Variants in USHBP1 observed in about 807,000 individuals in gnomAD.
USHBP1 encodes harmonin-binding protein USHBP1.
USHBP1 carries 67 observed loss-of-function variants against 76.2 expected under a neutral mutation model. The ratio of observed to expected loss-of-function variants is 0.88; its 90% confidence interval spans 0.72 to 1.08. The LOEUF (loss-of-function observed/expected upper bound fraction) is 1.08. Among genes scored for constraint, USHBP1 ranks in the 50% least tolerant of loss-of-function variants. The pLI is 0.00. For missense variants in USHBP1, 931 were observed against 915.0 expected, an observed-to-expected ratio of 1.02 and a Z score of -0.23; for synonymous variants, 322 against 362.2, an observed-to-expected ratio of 0.89 and a Z score of 1.26.
At position 17,264,169 on chromosome 19, in the gene USHBP1, G is replaced by T. The variant is rs750282255; in HGVS notation, c.55-19C>A. The T allele has an allele frequency of 1.2e-5, 19 of 1,612,318 alleles. 1 individual carries two copies. In the South Asian group the frequency reaches 1.2e-4, roughly 10 times the overall value. On this transcript the variant is annotated intron_variant, in intron 2 of 12. Coordinates refer to ENST00000252597, the MANE Select transcript of USHBP1 (RefSeq NM_031941.4). The stretch of plus-strand genomic sequence containing the variant: ...GTTCACCCTGCAAATGACCCCCGGG[G>T]CCCTGCTCTGAGCCAGGCAGGACAG...
In USHBP1 at chr19:17,262,818, G is replaced by A. The variant is rs371881438; in HGVS notation, c.376C>T (p.Leu126=). The A allele has an allele frequency of 1.5e-5, 25 of 1,614,230 alleles. No homozygotes were observed. The African/African-American group carries it at 3.2e-4, about 21-fold the overall frequency. ...PDVFQTLQHT[L]SSLEAAAAAW... is the part of the protein sequence containing the mutation. Reference sequence around the variant, plus strand: ...GCAGCCGCTGCCTCCAGGGAGCTCAGAGTGTGCTGGAGGGTCTGAAACACA... The same window carrying A: ...GCAGCCGCTGCCTCCAGGGAGCTCAAAGTGTGCTGGAGGGTCTGAAACACA... The change falls in exon 4 of 13, where the codon CTG becomes TTG. Residue 126 remains leucine, a synonymous_variant. Transcript: ENST00000252597.
In USHBP1 at chr19:17,255,460, C is replaced by T. The variant is rs1426157902; in HGVS notation, c.1617G>A (p.Gln539=). The T allele has an allele frequency of 6.2e-7, 1 of 1,614,124 alleles. No homozygotes were observed. Among genetic ancestry groups the T allele is most frequent in the East Asian group, 2.2e-5 (1 of 44,870 alleles). Residue 539 remains glutamine (Q), a synonymous_variant, in exon 10 of 13, where the codon CAG becomes CAA. Transcript: ENST00000252597. ...CGCCACTGCTGTTTGCCCCACCAGC[C>T]TGGAGCTCTGCCCGTTCCCACCGCA... The part of the protein sequence containing the change: ...EQLRWERAEL[Q]AGGANSSGGH...
Position 17,256,532 on chromosome 19 carries a change from G to T in USHBP1, c.1409C>A (p.Ala470Asp), listed in dbSNP as rs1568324553. 6.2e-7 allele frequency: 1 copy of T among 1,614,076 alleles called. No individual in the cohort carries two copies. The highest frequency in any genetic ancestry group is 1.7e-5 in the Admixed American group (1 of 60,016). ...CTCCAGTCGGGGAAGAGCTGGGCCA[G>T]CCTGGGTCCCCAGAATGGCCTGCAC... ...AMVQAILGTQ[A>D]GPALPRLEKT... The change falls in exon 9 of 13, where the codon GCT (alanine) becomes GAT (aspartate). Residue 470 changes from alanine to aspartate, a missense_variant. Coordinates refer to ENST00000252597, the MANE Select transcript of USHBP1 (RefSeq NM_031941.4).
At position 17,255,648 on chromosome 19, in the gene USHBP1, G is replaced by T. The variant is rs762300245; in HGVS notation, c.1471-42C>A. ...AGGGGAGAGAATTTATGCTTCTACG[G>T]TCAACTGCAGGGAAACTGAGGCCCC... On this transcript the variant is annotated intron_variant, in intron 9 of 12. Transcript: ENST00000252597. 2.0e-6 allele frequency: 3 copies of T among 1,537,870 alleles called. 1 individual carries two copies. The East Asian group carries it at 7.1e-5, about 37-fold the overall frequency.
chr19:17,253,838 G>A (rs1047353140), intron 10 of USHBP1, among the ~76,000 whole-genome samples: 14 of 148,476 alleles, frequency 9.4e-5, no homozygotes, highest in African/African-American at 2.2e-4. Flanking sequence ...AGATTGCAGT[G>A]AGCCAAGATC....
intron 9 of USHBP1, 74 bp from the exon 10 acceptor site, chr19:17,255,680 C>T: frequency 6.9e-7 from 1 of 1,450,938 alleles, no homozygotes; most frequent in Non-Finnish European, 9.3e-7. Context: ...CCCCAAGAGG[C>T]ACCCACTGAG....
chr19:17,260,054 G>T, intron 4 of USHBP1, 32 bp from the exon 5 acceptor site: 2 of 1,594,998 alleles, frequency 1.3e-6, no homozygotes, highest in South Asian at 2.2e-5. Context: ...TCAGGCCTAG[G>T]GGCTCAAACC....
chr19:17,258,938 A>T (rs12460292), intron 7 of USHBP1, among the ~76,000 whole-genome samples: 1 of 151,240 alleles, frequency 6.6e-6, no homozygotes, highest in South Asian at 2.1e-4. Context: ...GAGGCCCAGT[A>T]GGGGGGATCA....
intron 3 of USHBP1, 100 bp from the exon 4 acceptor site, chr19:17,263,090 T>A (rs769412524): frequency 2.6e-5 from 34 of 1,297,194 alleles, no homozygotes; most frequent in Non-Finnish European, 3.3e-5. Flanking sequence ...CAGCCTGGAG[T>A]GCAGTGGCGC....
chr19:17,254,549 A>G (rs1249267064), intron 10 of USHBP1, among the ~76,000 whole-genome samples: 1 of 148,110 alleles, frequency 6.8e-6, no homozygotes, highest in African/African-American at 2.5e-5. Flanking sequence ...CCAGCTACTC[A>G]GGAGGCTGAG....
intron 10 of USHBP1, among the ~76,000 whole-genome samples, chr19:17,253,894 C>CA (rs755318665): frequency 0.036 from 3,091 of 86,994 alleles, 43 homozygotes; most frequent in South Asian, 0.061. Flanking sequence ...ATCCGTTTCC[C>CA]AAAAAAAAAA....
In USHBP1 at chr19:17,258,344, C is replaced by A; in HGVS notation, c.1088G>T (p.Arg363Leu). The stretch of plus-strand genomic sequence containing the variant: ...GTCTCCTGCTCCTGAGTCGGCCTCC[C>A]GCAGAGCAAGCAGAACCCTGTATGC... The part of the protein sequence containing the change: ...EEAYRVLLAL[R>L]EADSGAGDEA... Residue 363 changes from arginine (R) to leucine (L), a missense_variant, in exon 8 of 13, where the codon CGG (arginine) becomes CTG (leucine). Arg to Leu is a moderately radical substitution (Grantham distance 102, BLOSUM62 -2). Coordinates refer to ENST00000252597, the MANE Select transcript of USHBP1 (RefSeq NM_031941.4). 1.2e-6 allele frequency: 2 copies of A among 1,613,956 alleles called. No individual in the cohort carries two copies. The highest frequency in any genetic ancestry group is 1.7e-6 in the Non-Finnish European group (2 of 1,180,024).
intron 9 of USHBP1, 55 bp from the exon 10 acceptor site, chr19:17,255,661 A>C: frequency 6.6e-7 from 1 of 1,513,648 alleles, no homozygotes; most frequent in South Asian, 1.3e-5. Flanking sequence ...AACTGCAGGG[A>C]AACTGAGGCC....
At position 17,250,426 on chromosome 19, in the gene USHBP1, GGGTGGCTGGGTCA is replaced by G; in HGVS notation, c.1923-25_1923-13del. On this transcript the variant is annotated splice_polypyrimidine_tract_variant and intron_variant, in intron 12 of 12. Transcript: ENST00000252597. ...CCAGGACCAGGGCGCTGGAAGGGGTGGGTGGCTGGGTCAGGAAACAGCCCCCGAGTCCACCCAA... is the reference window on the plus strand; with the variant it reads ...CCAGGACCAGGGCGCTGGAAGGGGTGGGAAACAGCCCCCGAGTCCACCCAA... 1.9e-6 allele frequency: 3 copies of G among 1,608,322 alleles called. No homozygotes were observed. The highest frequency in any genetic ancestry group is 8.5e-7 in the Non-Finnish European group (1 of 1,179,142).
chr19:17,260,755 C>G (rs1032662300), intron 4 of USHBP1, among the ~76,000 whole-genome samples: 2 of 152,178 alleles, frequency 1.3e-5, no homozygotes, highest in African/African-American at 4.8e-5. Context: ...ACGTGGATGT[C>G]TCATGGACAC....
Position 17,250,008 on chromosome 19 carries a change from G to A in USHBP1, c.*217C>T, listed in dbSNP as rs1363748567. 1.7e-6 allele frequency: 1 copy of A among 584,528 alleles called. No individual in the cohort carries two copies. Among genetic ancestry groups the A allele is most frequent in the South Asian group, 2.0e-5 (1 of 48,870 alleles). 36.2% of individuals were successfully genotyped at this position (584,528 alleles called of 1,614,324 possible). A position where few individuals can be genotyped will look rare whatever the true frequency, so the allele number is the denominator to read the frequency against. On this transcript the variant is annotated 3_prime_UTR_variant, in exon 13 of 13. Coordinates refer to ENST00000252597, the MANE Select transcript of USHBP1 (RefSeq NM_031941.4). Reference sequence around the variant, plus strand: ...TCTGGCCTGACCCCACTGATATGAAGTTCACATTCCACTTGGTGCCAGGCC... The same window carrying A: ...TCTGGCCTGACCCCACTGATATGAAATTCACATTCCACTTGGTGCCAGGCC...
chr19:17,260,076 C>T, intron 4 of USHBP1, 54 bp from the exon 5 acceptor site: 2 of 1,574,126 alleles, frequency 1.3e-6, no homozygotes, highest in Non-Finnish European at 1.7e-6. Flanking sequence ...ACCACCAGCC[C>T]TCTCTCCCCA....
In USHBP1 at chr19:17,260,052, A is replaced by G. The variant is rs746296965; in HGVS notation, c.643-30T>C. On this transcript the variant is annotated intron_variant, in intron 4 of 12. Transcript: ENST00000252597. ...GAAAGATGAGGGGGACGTCAGGCCT[A>G]GGGGCTCAAACCAACCACCAGCCCT... 6.2e-6 allele frequency: 10 copies of G among 1,600,632 alleles called. No homozygotes were observed. In the East Asian group the frequency reaches 2.2e-4, roughly 36 times the overall value.
intron 10 of USHBP1, 84 bp downstream of exon 10, chr19:17,255,298 AAAC>A: frequency 6.5e-6 from 9 of 1,387,800 alleles, no homozygotes; most frequent in Middle Eastern, 1.9e-4. Context: ...GTCTCAAAAA[AAAC>A]AAAAAAAAAA....
Sources: gnomAD v4.1 joint callset for allele counts (sites outside exome capture counted in the v4.1 genomes callset) on GRCh38, gnomAD v4.1.1 for gene constraint, MANE v1.5 for transcripts, NCBI Gene and HGNC (gene_info 2026-07-23, HGNC 2026-07-21) for gene names.